Variants in PODXL observed in about 807,000 individuals in gnomAD.
PODXL encodes the protein podocalyxin like.
In PODXL, 20 loss-of-function variants were observed where a neutral mutation model predicts 48.9. The observed-to-expected ratio is 0.41, with a 90% confidence interval of 0.29 to 0.59. The LOEUF (loss-of-function observed/expected upper bound fraction) is 0.59, where lower values mean the gene tolerates loss of function less well. Among genes scored for constraint, PODXL ranks in the 20% least tolerant of loss-of-function variants. The pLI is 0.31. For synonymous variants in PODXL, 295 were observed against 287.4 expected, an observed-to-expected ratio of 1.03 and a Z score of -0.27; for missense variants, 606 against 675.1, an observed-to-expected ratio of 0.90 and a Z score of 1.13.
In PODXL at chr7:131,524,379, C is replaced by CACACACACAGAGAGAG. The variant is rs746255906; in HGVS notation, c.101-12947_101-12946insCTCTCTCTGTGTGTGT. 5.3e-3 allele frequency among the ~76,000 whole-genome samples: 548 copies of CACACACACAGAGAGAG among 104,074 alleles called. 11 individuals carry two copies. Among genetic ancestry groups the CACACACACAGAGAGAG allele is most frequent in the African/African-American group, 0.014 (492 of 35,868 alleles). 68.3% of individuals were successfully genotyped at this position (104,074 alleles called of 152,430 possible). A position where few individuals can be genotyped will look rare whatever the true frequency, so the allele number is the denominator to read the frequency against. Reference sequence around the variant, plus strand: ...ACACACACGCACACACACACACACACAGAGAGAGAGAGAGAGAGAGAGAGA... The same window carrying CACACACACAGAGAGAG: ...ACACACACGCACACACACACACACACACACACACAGAGAGAGAGAGAGAGAGAGAGAGAGAGAGAGA... On this transcript the variant is annotated intron_variant, in intron 1 of 8. Coordinates refer to ENST00000378555, the MANE Select transcript of PODXL (RefSeq NM_001018111.3).
intron 1 of PODXL, among the ~76,000 whole-genome samples, chr7:131,544,990 G>T (rs1389986463): frequency 6.6e-6 from 1 of 152,154 alleles, no homozygotes; most frequent in Non-Finnish European, 1.5e-5. Flanking sequence ...CCTGGGGCAG[G>T]ATGACAGGAT....
At chr7:131,506,086 C>T (rs772350595) in intron 7 of PODXL, 51 bp from the exon 8 acceptor site, 1 of 1,582,050 alleles carries the variant, frequency 6.3e-7, no homozygotes, top group South Asian at 1.2e-5. Context: ...TCTCCCTCAG[C>T]CCCCGGCTTC....
At chr7:131,537,956 G>T (rs901140071) in intron 1 of PODXL, among the ~76,000 whole-genome samples, 1 of 152,196 alleles carries the variant, frequency 6.6e-6, no homozygotes, top group East Asian at 1.9e-4. Flanking sequence ...CTATGTATTT[G>T]TCCATTCTGC....
Position 131,556,361 on chromosome 7 carries a change from G to C in PODXL, c.-2C>G. The C allele has an allele frequency of 7.0e-7, 1 of 1,421,682 alleles. No homozygotes were observed. The highest frequency in any genetic ancestry group is 9.2e-7 in the Non-Finnish European group (1 of 1,088,260). 88.1% of individuals were successfully genotyped at this position (1,421,682 alleles called of 1,614,324 possible). Reference sequence around the variant, plus strand: ...CGAGAGCGCCAGCGCGCAGCGCATCGTGTCGTCGCCTCTGGGCCGGGAGCA... The same window carrying C: ...CGAGAGCGCCAGCGCGCAGCGCATCCTGTCGTCGCCTCTGGGCCGGGAGCA... On this transcript the variant is annotated 5_prime_UTR_variant, in exon 1 of 9. Transcript: ENST00000378555.
At chr7:131,529,144 A>G (rs1160712696) in intron 1 of PODXL, among the ~76,000 whole-genome samples, 6 of 152,180 alleles carry the variant, frequency 3.9e-5, no homozygotes, top group African/African-American at 1.4e-4. Flanking sequence ...TGAGTACTGG[A>G]GTCACCAAGA....
intron 1 of PODXL, among the ~76,000 whole-genome samples, chr7:131,550,785 GCACA>G (rs145924173): frequency 0.032 from 4,800 of 150,776 alleles, 106 homozygotes; most frequent in South Asian, 0.05. Flanking sequence ...ATACATGCAC[GCACA>G]CACACACACA....
intron 3 of PODXL, 46 bp downstream of exon 3, chr7:131,510,190 T>C (rs1289039523): frequency 2.2e-6 from 1 of 445,786 alleles, no homozygotes; most frequent in African/African-American, 2.0e-5. Context: ...AAATAATAAG[T>C]AAGTAAGTAA....
intron 1 of PODXL, among the ~76,000 whole-genome samples, chr7:131,522,049 G>T (rs1413382657): frequency 6.6e-6 from 1 of 152,230 alleles, no homozygotes; most frequent in Non-Finnish European, 1.5e-5. Context: ...GCCAGTGAAG[G>T]CCGCACCCTC....
At chr7:131,546,748 A>G (rs1406816257) in intron 1 of PODXL, among the ~76,000 whole-genome samples, 3 of 150,406 alleles carry the variant, frequency 2.0e-5, no homozygotes. Flanking sequence ...AAAAAAAAAA[A>G]AAAAGTCTGT....
chr7:131,546,517 G>A (rs903783220), intron 1 of PODXL, among the ~76,000 whole-genome samples: 1 of 151,916 alleles, frequency 6.6e-6, no homozygotes, highest in Non-Finnish European at 1.5e-5. Flanking sequence ...CTTGAGGCCG[G>A]GAATTCAAGA....
At chr7:131,545,816 A>G (rs576188759) in intron 1 of PODXL, among the ~76,000 whole-genome samples, 2 of 152,270 alleles carry the variant, frequency 1.3e-5, no homozygotes, top group Non-Finnish European at 2.9e-5. Context: ...CATTGAGAGC[A>G]TAACTATTAA....
At chr7:131,528,044 C>T (rs1051776130) in intron 1 of PODXL, among the ~76,000 whole-genome samples, 80 of 151,850 alleles carry the variant, frequency 5.3e-4, no homozygotes, top group Non-Finnish European at 9.0e-4. Context: ...GCTGGGATTA[C>T]AGGCGCCCAT....
chr7:131,515,144 C>G (rs2433294), intron 1 of PODXL, among the ~76,000 whole-genome samples: 121,674 of 152,072 alleles, frequency 0.8, 49,116 homozygotes, highest in East Asian at 1. Context: ...TGTCTCCTGA[C>G]GGCGACAAAA....
intron 1 of PODXL, among the ~76,000 whole-genome samples, chr7:131,547,898 G>A (rs1414292711): frequency 6.6e-6 from 1 of 152,194 alleles, no homozygotes; most frequent in Non-Finnish European, 1.5e-5. Context: ...TATTTCCTTG[G>A]CCCTGCACTC....
intron 1 of PODXL, among the ~76,000 whole-genome samples, chr7:131,535,792 C>T (rs777374970): frequency 3.3e-5 from 5 of 152,176 alleles, no homozygotes; most frequent in East Asian, 1.9e-4. Flanking sequence ...GAGATGGTCT[C>T]GCTCTGTTGC....
At position 131,503,067 on chromosome 7, in the gene PODXL, CTG is replaced by C; in HGVS notation, c.*1242_*1243del. The C allele has an allele frequency of 6.5e-6, 1 of 152,810 alleles. No homozygotes were observed. Among genetic ancestry groups the C allele is most frequent in the East Asian group, 1.9e-4 (1 of 5,190 alleles). The allele number at this position is 152,810 out of a possible 1,614,324, so 9.5% of individuals were successfully genotyped here. Reference sequence around the variant, plus strand: ...AATCAGAGTGAGTGAGATGAGCTAACTGGACGTCTGCCAACTGTCTGAGCTTT... The same window carrying C: ...AATCAGAGTGAGTGAGATGAGCTAACGACGTCTGCCAACTGTCTGAGCTTT... On this transcript the variant is annotated 3_prime_UTR_variant, in exon 9 of 9. Coordinates refer to ENST00000378555, the MANE Select transcript of PODXL (RefSeq NM_001018111.3).
At chr7:131,554,993 C>A (rs1798721574) in intron 1 of PODXL, among the ~76,000 whole-genome samples, 1 of 152,196 alleles carries the variant, frequency 6.6e-6, no homozygotes, top group Non-Finnish European at 1.5e-5. Flanking sequence ...CCCGCCGGGA[C>A]CTTCCCTTTC....
intron 1 of PODXL, among the ~76,000 whole-genome samples, chr7:131,545,310 G>C (rs1451714495): frequency 6.6e-6 from 1 of 152,234 alleles, no homozygotes; most frequent in Non-Finnish European, 1.5e-5. Flanking sequence ...GACCTGCCAT[G>C]TTGTTTCCTA....
chr7:131,512,920 G>A (rs1428247823), intron 1 of PODXL, among the ~76,000 whole-genome samples: 3 of 151,190 alleles, frequency 2.0e-5, no homozygotes, highest in African/African-American at 4.9e-5. Context: ...GCTTGAACCC[G>A]GGAGGCAGAG....
Sources: allele counts gnomAD v4.1 joint callset (sites outside exome capture counted in the v4.1 genomes callset), GRCh38; gene constraint gnomAD v4.1.1; transcripts MANE v1.5; gene names NCBI Gene and HGNC (gene_info 2026-07-23, HGNC 2026-07-21).